VPS26C: variants seen among roughly 807,000 people sequenced by gnomAD.
VPS26C encodes the protein VPS26 endosomal protein sorting factor C.
Under a neutral mutation model 30.6 loss-of-function variants are expected in VPS26C, and 19 were observed. The observed-to-expected ratio is 0.62, with a 90% CI of 0.43 to 0.91. The LOEUF (loss-of-function observed/expected upper bound fraction) is 0.91. VPS26C is among the 40% of genes least tolerant of loss of function. The pLI is 0.00. For missense variants in VPS26C, 318 were observed against 385.1 expected (o/e 0.83, Z 1.46); for synonymous variants, 132 against 151.5 (o/e 0.87, Z 0.95).
At chr21:37,256,271 C>T (rs1460348415) in intron 1 of VPS26C, among the ~76,000 whole-genome samples, 1 of 152,206 alleles carries the variant, frequency 6.6e-6, no homozygotes, top group Admixed American at 6.5e-5. Context: ...TAATACTTTA[C>T]AAGAGAACCA....
chr21:37,237,414 G>A (rs995525359), intron 3 of VPS26C: 11 of 152,092 alleles, frequency 7.2e-5, no homozygotes, highest in Non-Finnish European at 1.6e-4. Context: ...TTTCTTTCAG[G>A]GTGGAAACAG....
At chr21:37,227,543 A>T (rs2085913339) in intron 7 of VPS26C, 111 bp downstream of exon 7, 1 of 1,273,612 alleles carries the variant, frequency 7.9e-7, no homozygotes, top group Admixed American at 1.9e-5. Flanking sequence ...AGGCCCTGGC[A>T]CTGAGGGACC....
At chr21:37,236,343 A>C (rs2086024000) in intron 3 of VPS26C, among the ~76,000 whole-genome samples, 1 of 152,230 alleles carries the variant, frequency 6.6e-6, no homozygotes, top group African/African-American at 2.4e-5. Context: ...AGACCTGCCA[A>C]ATAATGGCAT....
chr21:37,250,804 G>A lies in VPS26C; in HGVS notation c.58-10165C>T, dbSNP rs936410024. ...AATCCCAGCTACTCGGGAGGCTGAG[G>A]CAGAAGAATTACTTGAACCCGGGAG... On this transcript the variant is annotated intron_variant, in intron 1 of 7. Transcript: ENST00000309117. 8.6e-5 allele frequency among the ~76,000 whole-genome samples: 13 copies of A among 150,948 alleles called. No homozygotes were observed. The East Asian group carries it at 2.6e-3, about 30-fold the overall frequency.
chr21:37,237,787 A>G (rs2086040353), intron 3 of VPS26C: 1 of 152,224 alleles, frequency 6.6e-6, no homozygotes. Context: ...CCAAAACTTA[A>G]TAAATCAAAA....
chr21:37,229,229 C>T, intron 5 of VPS26C: 1 of 132,412 alleles, frequency 7.6e-6, no homozygotes, highest in Non-Finnish European at 1.6e-5. Flanking sequence ...TTCCCTGGGC[C>T]ACGTTGGAAG....
chr21:37,267,405 T>G, upstream of VPS26C: 8 of 905,402 alleles, frequency 8.8e-6, no homozygotes, highest in Non-Finnish European at 1.2e-5. Context: ...CTGCCGGCAG[T>G]GGCTCACGTG....
intron 1 of VPS26C, among the ~76,000 whole-genome samples, chr21:37,255,106 G>T (rs1022825891): frequency 6.6e-6 from 1 of 152,108 alleles, no homozygotes; most frequent in South Asian, 2.1e-4. Context: ...TTACAAAATG[G>T]TTTTTTAAAA....
intron 1 of VPS26C, among the ~76,000 whole-genome samples, chr21:37,256,326 G>A (rs1401872477): frequency 2.0e-5 from 3 of 152,214 alleles, no homozygotes; most frequent in Non-Finnish European, 2.9e-5. Context: ...ACTTTGGGAT[G>A]TGAGGAAGAG....
intron 1 of VPS26C, among the ~76,000 whole-genome samples, chr21:37,245,746 A>G (rs1258873214): frequency 6.6e-6 from 1 of 152,164 alleles, no homozygotes; most frequent in East Asian, 1.9e-4. Context: ...CATCAAGCAG[A>G]TGAAAATGGT....
rs2085924452 is a variant in VPS26C, at chr21:37,228,259, T to C, written c.622A>G (p.Ser208Gly). The C allele has an allele frequency of 6.2e-7, 1 of 1,613,088 alleles. No homozygotes were observed. ...VVESSEAAIR[S>G]VELQLVRVET... is the part of the protein sequence containing the mutation. ...ACGCGCACCAGCTGCAGCTCCACGCTTCTGATGGCGGCTTCCGAGCTCTCC... is the reference window on the plus strand; with the variant it reads ...ACGCGCACCAGCTGCAGCTCCACGCCTCTGATGGCGGCTTCCGAGCTCTCC... The change falls in exon 6 of 8, where the codon AGC becomes GGC. Residue 208 changes from serine to glycine, a missense_variant. Ser to Gly is a moderately conservative substitution (Grantham distance 56). Coordinates refer to ENST00000309117, the MANE Select transcript of VPS26C (RefSeq NM_006052.2).
intron 1 of VPS26C, among the ~76,000 whole-genome samples, chr21:37,242,593 G>GA (rs1215221582): frequency 2.6e-5 from 4 of 151,054 alleles, no homozygotes; most frequent in Non-Finnish European, 5.9e-5. Context: ...CTCAAAAAAA[G>GA]AAAAAAAAAT....
At position 37,228,296 on chromosome 21, in the gene VPS26C, T is replaced by C. The variant is rs767318325; in HGVS notation, c.585A>G (p.Gly195=). 6.8e-6 allele frequency: 11 copies of C among 1,614,070 alleles called. No homozygotes were observed. In the South Asian group the frequency reaches 1.1e-4, roughly 16 times the overall value. Residue 195 remains glycine (G), a synonymous_variant, in exon 6 of 8, where the codon GGA becomes GGG. Coordinates refer to ENST00000309117, the MANE Select transcript of VPS26C (RefSeq NM_006052.2). The stretch of plus-strand genomic sequence containing the variant: ...CTTCCGAGCTCTCCACCACCAGCTC[T>C]CCCGTTAGTGGCTGCGTGATGACAC... ...TNCVITQPLT[G]ELVVESSEAA... is the part of the protein sequence containing the mutation.
At chr21:37,268,034 A>G (rs904675486), upstream of VPS26C, 1 of 152,120 alleles carries the variant, frequency 6.6e-6, no homozygotes, top group Non-Finnish European at 1.5e-5. Context: ...GCCTAGGGCC[A>G]AGGTCTCGGG....
At chr21:37,250,982 G>C (rs986829664) in intron 1 of VPS26C, among the ~76,000 whole-genome samples, 2 of 142,874 alleles carry the variant, frequency 1.4e-5, no homozygotes, top group African/African-American at 5.2e-5. Flanking sequence ...TCTGAACAAA[G>C]AGCTCACAGA....
At chr21:37,267,349 A>T (rs2086378960), upstream of VPS26C, 1 of 1,522,896 alleles carries the variant, frequency 6.6e-7, no homozygotes, top group South Asian at 1.1e-5. Flanking sequence ...CCAGGGAAAC[A>T]AGGGGCGCCT....
At chr21:37,263,965 G>A (rs1361015854) in intron 1 of VPS26C, among the ~76,000 whole-genome samples, 2 of 152,160 alleles carry the variant, frequency 1.3e-5, no homozygotes, top group African/African-American at 4.8e-5. Flanking sequence ...TGCACTGTCT[G>A]CAGTCAATGA....
intron 1 of VPS26C, among the ~76,000 whole-genome samples, chr21:37,248,158 G>T (rs1308440257): frequency 6.6e-6 from 1 of 152,040 alleles, no homozygotes; most frequent in African/African-American, 2.4e-5. Context: ...CAATAGAGTA[G>T]ACAGAAAGAA....
chr21:37,258,304 G>A (rs764157), intron 1 of VPS26C, among the ~76,000 whole-genome samples: 4,335 of 152,230 alleles, frequency 0.028, 208 homozygotes, highest in African/African-American at 0.1. Context: ...CAGAGACTGC[G>A]CACACAAAGC....
Sources: gnomAD v4.1 joint callset for allele counts (sites outside exome capture counted in the v4.1 genomes callset) on GRCh38, gnomAD v4.1.1 for gene constraint, MANE v1.5 for transcripts, NCBI Gene and HGNC (gene_info 2026-07-23, HGNC 2026-07-21) for gene names.